FAT1: variants seen among roughly 807,000 people sequenced by gnomAD.
FAT1 encodes the protein protocadherin Fat 1.
A neutral mutation model predicts 329.8 loss-of-function variants in FAT1; 171 were observed. That is an observed-to-expected ratio of 0.52 (90% CI 0.46 to 0.59). The LOEUF is 0.59. Among genes scored for constraint, FAT1 ranks in the 20% least tolerant of loss-of-function variants. The pLI is 0.00. For missense variants in FAT1, 5,672 were observed against 5,774.4 expected (o/e 0.98, Z 0.57); for synonymous variants, 2,233 against 2,228.6 (o/e 1.00, Z -0.06).
chr4:186,678,320 A>C (rs1294365914), intron 2 of FAT1, among the ~76,000 whole-genome samples: 1 of 151,870 alleles, frequency 6.6e-6, no homozygotes, highest in Non-Finnish European at 1.5e-5. Flanking sequence ...ATATAAATAA[A>C]TAGCTAGGCG....
intron 16 of FAT1, among the ~76,000 whole-genome samples, chr4:186,608,841 C>G (rs1037918982): frequency 6.6e-6 from 1 of 152,166 alleles, no homozygotes; most frequent in East Asian, 1.9e-4. Flanking sequence ...CCATGCAATT[C>G]CTCGCTGGAA....
chr4:186,634,177 GCTTA>G (rs1451520210), intron 6 of FAT1, among the ~76,000 whole-genome samples: 1 of 152,072 alleles, frequency 6.6e-6, no homozygotes, highest in Non-Finnish European at 1.5e-5. Flanking sequence ...CCATTTAAAA[GCTTA>G]CTTACTAACA....
chr4:186,686,023 A>G (rs1743441953), intron 2 of FAT1, among the ~76,000 whole-genome samples: 1 of 152,230 alleles, frequency 6.6e-6, no homozygotes, highest in Non-Finnish European at 1.5e-5. Context: ...TGGAACTCAA[A>G]TATCTATGGG....
intron 3 of FAT1, among the ~76,000 whole-genome samples, chr4:186,642,595 T>A (rs908000479): frequency 1.3e-5 from 2 of 152,168 alleles, no homozygotes; most frequent in Non-Finnish European, 2.9e-5. Flanking sequence ...CGTTAGTACA[T>A]ATTTATAGGC....
intron 3 of FAT1, among the ~76,000 whole-genome samples, chr4:186,645,966 TATACACAC>T (rs1348410475): frequency 1.2e-5 from 1 of 80,532 alleles, no homozygotes; most frequent in African/African-American, 5.7e-5. Context: ...AAAAAAAATA[TATACACAC>T]ACACACACAC....
chr4:186,612,136 C>A (rs1184456218), intron 13 of FAT1, among the ~76,000 whole-genome samples: 4 of 150,410 alleles, frequency 2.7e-5, no homozygotes, highest in Admixed American at 6.6e-5. Context: ...TTTTAAAAAC[C>A]AAACAAAATT....
Position 186,709,772 on chromosome 4 carries a change from C to A in FAT1, c.56G>T (p.Gly19Val), listed in dbSNP as rs200192750. The change falls in exon 2 of 27, where the codon GGA becomes GTA. Residue 19 changes from glycine to valine, a missense_variant. By Grantham distance (109) the Gly-to-Val change is moderately radical. Transcript: ENST00000441802. ...LLLLLLFQHF[G>V]DSDGSQRLEQ... ...AAGTCGTTGGCTGCCATCACTGTCT[C>A]CAAAATGTTGGAAGAGAAGGAGCAG... 1 of 1,612,514 alleles carries A rather than the reference C, an allele frequency of 6.2e-7. No homozygotes were observed. Among genetic ancestry groups the A allele is most frequent in the Non-Finnish European group, 8.5e-7 (1 of 1,179,196 alleles).
At chr4:186,652,059 C>A (rs11132406) in intron 3 of FAT1, among the ~76,000 whole-genome samples, 60 of 152,144 alleles carry the variant, frequency 3.9e-4, no homozygotes, top group African/African-American at 1.4e-3. Context: ...ATGGATCAAA[C>A]GACTAGTCTA....
intron 16 of FAT1, among the ~76,000 whole-genome samples, chr4:186,606,706 C>A (rs574002840): frequency 6.6e-6 from 1 of 152,160 alleles, no homozygotes; most frequent in African/African-American, 2.4e-5. Flanking sequence ...CAATTTCACA[C>A]TCGGATTATA....
chr4:186,640,256 C>T (rs1219344059), intron 3 of FAT1, among the ~76,000 whole-genome samples: 2 of 151,376 alleles, frequency 1.3e-5, no homozygotes, highest in Non-Finnish European at 2.9e-5. Flanking sequence ...TGTCTACAAA[C>T]AACAACATAC....
At chr4:186,704,455 C>T (rs981493559) in intron 2 of FAT1, among the ~76,000 whole-genome samples, 1 of 152,108 alleles carries the variant, frequency 6.6e-6, no homozygotes, top group Non-Finnish European at 1.5e-5. Context: ...AAATACTCTT[C>T]TTCACTTGAA....
chr4:186,616,561 C>T (rs1452844340), intron 11 of FAT1, among the ~76,000 whole-genome samples: 1 of 152,092 alleles, frequency 6.6e-6, no homozygotes, highest in Admixed American at 6.5e-5. Context: ...CTTTTAGTTC[C>T]CACTGAATGG....
Position 186,588,066 on chromosome 4 carries a change from T to A in FAT1, c.*526A>T. 4.6e-6 allele frequency: 1 copy of A among 219,330 alleles called. No homozygotes were observed. The highest frequency in any genetic ancestry group is 6.9e-5 in the East Asian group (1 of 14,390). The allele number at this position is 219,330 out of a possible 1,614,324, so 13.6% of individuals were successfully genotyped here. ...TACAGCTAGAAATGAATGACTACACTGAAATGTACTAACAAAATGTCACAC... is the reference window on the plus strand; with the variant it reads ...TACAGCTAGAAATGAATGACTACACAGAAATGTACTAACAAAATGTCACAC... On this transcript the variant is annotated 3_prime_UTR_variant, in exon 27 of 27. Transcript: ENST00000441802.
intron 2 of FAT1, among the ~76,000 whole-genome samples, chr4:186,683,491 A>T (rs929027337): frequency 1.3e-5 from 2 of 152,164 alleles, no homozygotes; most frequent in African/African-American, 4.8e-5. Flanking sequence ...AATGCATGGA[A>T]GGGCATTCAC....
intron 1 of FAT1, among the ~76,000 whole-genome samples, chr4:186,719,088 A>T (rs1430528952): frequency 6.6e-6 from 1 of 152,134 alleles, no homozygotes; most frequent in East Asian, 1.9e-4. Context: ...TATACTCTAC[A>T]CTGACTCACC....
At chr4:186,610,506 C>T (rs2126462260) in intron 14 of FAT1, among the ~76,000 whole-genome samples, 1 of 149,646 alleles carries the variant, frequency 6.7e-6, no homozygotes, top group Middle Eastern at 3.5e-3. Flanking sequence ...TTTAAAAATC[C>T]CTTTTTAAAC....
intron 3 of FAT1, among the ~76,000 whole-genome samples, chr4:186,646,839 G>A (rs1287576449): frequency 5.3e-5 from 8 of 152,070 alleles, no homozygotes; most frequent in Non-Finnish European, 2.9e-5. Flanking sequence ...AGCGGGCGAC[G>A]AAGAGGCCTG....
intron 1 of FAT1, among the ~76,000 whole-genome samples, chr4:186,718,639 C>T (rs888680393): frequency 1.3e-5 from 2 of 152,278 alleles, no homozygotes; most frequent in South Asian, 4.1e-4. Flanking sequence ...TGCACTCCAG[C>T]CTGGGCGACA....
intron 2 of FAT1, among the ~76,000 whole-genome samples, chr4:186,705,549 A>T (rs948018883): frequency 2.6e-5 from 4 of 152,190 alleles, no homozygotes; most frequent in African/African-American, 9.6e-5. Flanking sequence ...AAGCCAACAC[A>T]TTCGCTCATT....
Sources: gnomAD v4.1 joint callset for allele counts (sites outside exome capture counted in the v4.1 genomes callset) on GRCh38, gnomAD v4.1.1 for gene constraint, MANE v1.5 for transcripts, NCBI Gene and HGNC (gene_info 2026-07-23, HGNC 2026-07-21) for gene names.